BMERB1: variants seen among roughly 807,000 people sequenced by gnomAD.
BMERB1 encodes bMERB domain containing 1.
In BMERB1, 12 loss-of-function variants were observed where a neutral mutation model predicts 23.6. That is an observed-to-expected ratio of 0.51 (90% CI 0.33 to 0.82). BMERB1 has a LOEUF of 0.82. Ranked by LOEUF, BMERB1 falls within the 40% of genes least tolerant of loss-of-function variation. The probability of loss-of-function intolerance (pLI) is 0.03; values close to 1 mark genes in which losing one functional copy is unlikely to be tolerated. For synonymous variants in BMERB1, 122 were observed against 96.6 expected (o/e 1.26, Z -1.54); for missense variants, 247 against 255.4 (o/e 0.97, Z 0.22).
chr16:15,541,599 A>ATT (rs962962059), intron 2 of BMERB1, among the ~76,000 whole-genome samples: 1,061 of 87,866 alleles, frequency 0.012, 44 homozygotes, highest in African/African-American at 0.043. Flanking sequence ...CTAATTTTTA[A>ATT]TTTTTTTTTT....
chr16:15,582,556 A>G (rs920875826), intron 4 of BMERB1, among the ~76,000 whole-genome samples: 4 of 149,036 alleles, frequency 2.7e-5, no homozygotes, highest in Admixed American at 6.7e-5. Context: ...TATCTCTACA[A>G]TTTTTTTTTT....
At chr16:15,496,915 G>A (rs2051478754) in intron 1 of BMERB1, among the ~76,000 whole-genome samples, 1 of 152,096 alleles carries the variant, frequency 6.6e-6, no homozygotes. Context: ...GGCAGGGGCA[G>A]AGCCAGGCAG....
intron 1 of BMERB1, among the ~76,000 whole-genome samples, chr16:15,477,282 A>G (rs950974914): frequency 6.6e-6 from 1 of 152,154 alleles, no homozygotes; most frequent in African/African-American, 2.4e-5. Flanking sequence ...TAAAACCATC[A>G]GATCTCATGA....
chr16:15,446,042 ACT>A (rs1257365509), intron 1 of BMERB1, among the ~76,000 whole-genome samples: 10 of 152,132 alleles, frequency 6.6e-5, no homozygotes, highest in Non-Finnish European at 1.2e-4. Flanking sequence ...TATTTTAAAA[ACT>A]TAAACTATTG....
rs35873574 is a variant in BMERB1 at position 15,470,825 on chromosome 16, C to CTTTT, written c.106+36091_106+36094dup. Among the ~76,000 whole-genome samples, 6 of 49,386 alleles carry CTTTT rather than the reference C, an allele frequency of 1.2e-4. 1 individual carries two copies. Among genetic ancestry groups the CTTTT allele is most frequent in the African/African-American group, 1.6e-4 (2 of 12,138 alleles). 32.4% of individuals were successfully genotyped at this position (49,386 alleles called of 152,430 possible). On this transcript the variant is annotated intron_variant, in intron 1 of 5. Transcript: ENST00000300006. ...AGGCATGAGCCACCGCACCTGGCCT[C>CTTTT]TTTTTTTTTTTTTTTTTTTTTTTTT...
At chr16:15,453,586 C>T (rs1405920111) in intron 1 of BMERB1, among the ~76,000 whole-genome samples, 2 of 151,182 alleles carry the variant, frequency 1.3e-5, no homozygotes, top group African/African-American at 2.4e-5. Context: ...TGTTCTAAAA[C>T]TAACCGGCTG....
chr16:15,477,153 CT>C (rs2051281378), intron 1 of BMERB1, among the ~76,000 whole-genome samples: 1 of 152,096 alleles, frequency 6.6e-6, no homozygotes, highest in South Asian at 2.1e-4. Flanking sequence ...GTTCAGTTGA[CT>C]CACCCTTCCA....
chr16:15,521,701 A>G (rs1341458303), intron 2 of BMERB1, among the ~76,000 whole-genome samples: 1 of 151,994 alleles, frequency 6.6e-6, no homozygotes, highest in African/African-American at 2.4e-5. Flanking sequence ...GCATTTAGAG[A>G]TCTCTTTCTT....
At position 15,581,204 on chromosome 16, in the gene BMERB1, G is replaced by A; in HGVS notation, c.305-13G>A. 6.3e-7 allele frequency: 1 copy of A among 1,595,922 alleles called. No homozygotes were observed. The highest frequency in any genetic ancestry group is 8.6e-7 in the Non-Finnish European group (1 of 1,169,192). On this transcript the variant is annotated splice_polypyrimidine_tract_variant and intron_variant, in intron 3 of 5. Transcript: ENST00000300006. ...AATGCTCATCTGTCTCCTTGTTGAT[G>A]TCTTCTTTCCAGAAAAAGAAAAAAC...
At chr16:15,542,631 A>ATTTTTT (rs927255507) in intron 2 of BMERB1, among the ~76,000 whole-genome samples, 25 of 96,842 alleles carry the variant, frequency 2.6e-4, no homozygotes, top group Admixed American at 5.5e-4. Flanking sequence ...CCTCCTAGGG[A>ATTTTTT]TTTTTTTTTT....
chr16:15,479,545 C>T (rs955365973), intron 1 of BMERB1, among the ~76,000 whole-genome samples: 23 of 152,028 alleles, frequency 1.5e-4, no homozygotes, highest in African/African-American at 4.3e-4. Context: ...ACTACTCCTG[C>T]CTTTGCTAAC....
intron 2 of BMERB1, among the ~76,000 whole-genome samples, chr16:15,519,762 T>G (rs1484449369): frequency 1.3e-5 from 2 of 152,248 alleles, no homozygotes; most frequent in East Asian, 1.9e-4. Context: ...CACATTTAGA[T>G]TATTTCATGG....
At chr16:15,443,939 A>T (rs2050963688) in intron 1 of BMERB1, among the ~76,000 whole-genome samples, 1 of 151,840 alleles carries the variant, frequency 6.6e-6, no homozygotes, top group African/African-American at 2.4e-5. Flanking sequence ...GTGTGAAATT[A>T]GGAAAGAAAT....
intron 1 of BMERB1, among the ~76,000 whole-genome samples, chr16:15,504,480 C>T (rs576968117): frequency 6.6e-6 from 1 of 150,690 alleles, no homozygotes; most frequent in South Asian, 2.1e-4. Flanking sequence ...TAGTGTCTCA[C>T]TCTGTCACCT....
intron 2 of BMERB1, among the ~76,000 whole-genome samples, chr16:15,544,900 A>G (rs2052117835): frequency 6.6e-6 from 1 of 152,142 alleles, no homozygotes; most frequent in African/African-American, 2.4e-5. Flanking sequence ...ACAACATCCA[A>G]TCCAGAGTAA....
At chr16:15,462,140 T>C (rs1160575136) in intron 1 of BMERB1, among the ~76,000 whole-genome samples, 6 of 38,722 alleles carry the variant, frequency 1.5e-4, no homozygotes, top group African/African-American at 3.2e-4. Context: ...GTCCTGCCTT[T>C]TTTTTTTTTT....
chr16:15,481,879 C>T (rs2150935613), intron 1 of BMERB1, among the ~76,000 whole-genome samples: 1 of 151,812 alleles, frequency 6.6e-6, no homozygotes, highest in African/African-American at 2.4e-5. Flanking sequence ...TGCCTGCCAC[C>T]ATGCCCGGCA....
chr16:15,489,687 A>G lies in BMERB1; in HGVS notation c.107-25618A>G, dbSNP rs1335050739. On this transcript the variant is annotated intron_variant, in intron 1 of 5. Transcript: ENST00000300006. ...AGCTATTTTCTGACGTGGGTCCTCC[A>G]TGACTCATGGTGGAGTTTTCCAGGC... Among the ~76,000 whole-genome samples the G allele has an allele frequency of 2.0e-5, 3 of 152,218 alleles. No individual in the cohort carries two copies. In the East Asian group the frequency reaches 5.8e-4, roughly 29 times the overall value.
At chr16:15,498,271 T>C (rs2051494415) in intron 1 of BMERB1, among the ~76,000 whole-genome samples, 1 of 152,074 alleles carries the variant, frequency 6.6e-6, no homozygotes, top group Non-Finnish European at 1.5e-5. Flanking sequence ...GTGCAGTGGC[T>C]CATGCTTGTA....
Sources: allele counts gnomAD v4.1 joint callset (sites outside exome capture counted in the v4.1 genomes callset), GRCh38; gene constraint gnomAD v4.1.1; transcripts MANE v1.5; gene names NCBI Gene and HGNC (gene_info 2026-07-23, HGNC 2026-07-21).